EYS: variants seen among roughly 807,000 people sequenced by gnomAD.
EYS encodes EGF-like photoreceptor maintenance factor.
EYS carries 250 observed loss-of-function variants against 282.1 expected under a neutral mutation model. The ratio of observed to expected loss-of-function variants is 0.89; its 90% confidence interval spans 0.80 to 0.98. The LOEUF (loss-of-function observed/expected upper bound fraction) is 0.98, where lower values mean the gene tolerates loss of function less well. Among genes scored for constraint, EYS ranks in the 50% least tolerant of loss-of-function variants. The pLI, the probability that EYS is intolerant of heterozygous loss-of-function variation, is 0.00. For synonymous variants in EYS, 1,355 were observed against 1,282.9 expected (o/e 1.06, Z -1.20); for missense variants, 4,016 against 3,709.0 (o/e 1.08, Z -2.15).
At chr6:65,420,692 C>T (rs1767421084) in intron 5 of EYS, among the ~76,000 whole-genome samples, 1 of 151,754 alleles carries the variant, frequency 6.6e-6, no homozygotes, top group South Asian at 2.1e-4. Flanking sequence ...AAGCTATAGC[C>T]TTACAAAAAG....
chr6:64,171,750 T>C (rs1308104009), intron 31 of EYS, among the ~76,000 whole-genome samples: 2 of 152,222 alleles, frequency 1.3e-5, no homozygotes, highest in African/African-American at 2.4e-5. Context: ...ATGGGTTTTA[T>C]TGGGGAGTTG....
chr6:64,352,691 A>G (rs1442185226), intron 29 of EYS, among the ~76,000 whole-genome samples: 2 of 151,606 alleles, frequency 1.3e-5, no homozygotes, highest in Non-Finnish European at 3.0e-5. Context: ...TGAATTCAAC[A>G]CTAACATACT....
At chr6:64,131,687 C>T (rs575685911) in intron 31 of EYS, among the ~76,000 whole-genome samples, 1 of 152,232 alleles carries the variant, frequency 6.6e-6, no homozygotes, top group African/African-American at 2.4e-5. Flanking sequence ...GGCTGACTTT[C>T]AGTAAAGAAG....
At chr6:64,229,431 A>G (rs998137264) in intron 31 of EYS, among the ~76,000 whole-genome samples, 3 of 152,190 alleles carry the variant, frequency 2.0e-5, no homozygotes, top group Non-Finnish European at 4.4e-5. Context: ...CAAAGAATAT[A>G]ATATAAATGG....
intron 35 of EYS, among the ~76,000 whole-genome samples, chr6:63,871,933 C>T (rs190148170): frequency 1.6e-4 from 24 of 152,252 alleles, no homozygotes; most frequent in Non-Finnish European, 3.4e-4. Flanking sequence ...CACAGCACCT[C>T]CCCTGGAGAA....
chr6:65,246,274 C>G (rs1056837287), intron 12 of EYS, among the ~76,000 whole-genome samples: 1 of 152,048 alleles, frequency 6.6e-6, no homozygotes, highest in African/African-American at 2.4e-5. Flanking sequence ...ATGAAACTGA[C>G]ATACAGAGAG....
intron 22 of EYS, among the ~76,000 whole-genome samples, chr6:64,755,648 T>G (rs1772913464): frequency 6.6e-6 from 1 of 151,916 alleles, no homozygotes; most frequent in Non-Finnish European, 1.5e-5. Context: ...ATAAACAGAA[T>G]GTCAAATACT....
At chr6:63,947,195 C>T (rs1284720087) in intron 35 of EYS, among the ~76,000 whole-genome samples, 1 of 151,830 alleles carries the variant, frequency 6.6e-6, no homozygotes, top group Non-Finnish European at 1.5e-5. Context: ...TGAGAGTTTG[C>T]CTGTAGAGTG....
chr6:64,923,195 A>C (rs181685763), intron 15 of EYS, among the ~76,000 whole-genome samples: 1 of 152,278 alleles, frequency 6.6e-6, no homozygotes, highest in East Asian at 1.9e-4. Context: ...ATGGCTAAAG[A>C]GGCCTCAGAA....
At chr6:64,125,163 TCTCTCTCTCTCTCG>T (rs1303904238) in intron 31 of EYS, among the ~76,000 whole-genome samples, 3 of 151,242 alleles carry the variant, frequency 2.0e-5, no homozygotes, top group Admixed American at 1.3e-4. Flanking sequence ...TGTCTCTCTC[TCTCTCTCTCTCTCG>T]CTCTCTCTCT....
intron 27 of EYS, 44 bp downstream of exon 27, chr6:64,439,118 C>A (rs1374641523): frequency 9.1e-7 from 1 of 1,104,714 alleles, no homozygotes; most frequent in Non-Finnish European, 1.2e-6. Flanking sequence ...ATAATTAGAA[C>A]AACTTTGTAA....
At chr6:64,404,419 A>G (rs56000256) in intron 28 of EYS, among the ~76,000 whole-genome samples, 46,423 of 151,530 alleles carry the variant, frequency 0.31, 7,092 homozygotes, top group East Asian at 0.47. Context: ...GTGTGCACGC[A>G]CGCGTGTGAG....
At chr6:63,765,141 G>A (rs1468869927) in intron 40 of EYS, among the ~76,000 whole-genome samples, 1 of 152,120 alleles carries the variant, frequency 6.6e-6, no homozygotes, top group African/African-American at 2.4e-5. Flanking sequence ...TCTATTTAAA[G>A]AATGTTTATT....
At chr6:65,631,930 C>A (rs1766928371) in intron 2 of EYS, among the ~76,000 whole-genome samples, 1 of 152,090 alleles carries the variant, frequency 6.6e-6, no homozygotes, top group Admixed American at 6.6e-5. Context: ...TACAATGTGG[C>A]AGACACTCTT....
chr6:65,572,275 T>C (rs1764505077), intron 2 of EYS, among the ~76,000 whole-genome samples: 1 of 152,100 alleles, frequency 6.6e-6, no homozygotes, highest in Non-Finnish European at 1.5e-5. Context: ...CAAAAATCAA[T>C]TTCTTGTAAA....
In EYS at chr6:64,481,077, T is replaced by C. The variant is rs140321257; in HGVS notation, c.5645-41725A>G. Among the ~76,000 whole-genome samples the C allele has an allele frequency of 4.3e-3, 658 of 151,586 alleles. 5 individuals are homozygous for C. Among genetic ancestry groups the C allele is most frequent in the African/African-American group, 0.015 (613 of 41,466 alleles). ...TTTCAGGTGAACAGTTTTCCTTAAATATGACTTATTTTGGTTCTGAATGTA... is the reference window on the plus strand; with the variant it reads ...TTTCAGGTGAACAGTTTTCCTTAAACATGACTTATTTTGGTTCTGAATGTA... On this transcript the variant is annotated intron_variant, in intron 26 of 42. Coordinates refer to ENST00000503581, the MANE Select transcript of EYS (RefSeq NM_001142800.2).
At chr6:64,107,271 G>GTATATATATATATTTATA (rs1773049459) in intron 31 of EYS, among the ~76,000 whole-genome samples, 2 of 99,952 alleles carry the variant, frequency 2.0e-5, no homozygotes, top group African/African-American at 7.6e-5. Context: ...GTGTGTGTGT[G>GTATATATATATATTTATA]TATATATATA....
intron 29 of EYS, among the ~76,000 whole-genome samples, chr6:64,372,130 GTTTTTTTTTTTTT>G (rs201498090): frequency 0.023 from 2,259 of 97,680 alleles, 37 homozygotes; most frequent in Middle Eastern, 0.055. Flanking sequence ...GTATACTTGT[GTTTTTTTTTTTTT>G]TTTTTTTTTT....
At chr6:63,899,416 G>A (rs1256961445) in intron 35 of EYS, among the ~76,000 whole-genome samples, 1 of 152,100 alleles carries the variant, frequency 6.6e-6, no homozygotes, top group Non-Finnish European at 1.5e-5. Flanking sequence ...GAGATTTCCA[G>A]AGTGGAAATG....
Sources: gnomAD v4.1 joint callset for allele counts (sites outside exome capture counted in the v4.1 genomes callset) on GRCh38, gnomAD v4.1.1 for gene constraint, MANE v1.5 for transcripts, NCBI Gene and HGNC (gene_info 2026-07-23, HGNC 2026-07-21) for gene names.